Variants in ROBO2 observed in about 807,000 individuals in gnomAD.
ROBO2 encodes roundabout guidance receptor 2.
A neutral mutation model predicts 160.8 loss-of-function variants in ROBO2; 53 were observed. That is an observed-to-expected ratio of 0.33 (90% CI 0.26 to 0.41). ROBO2 has a LOEUF of 0.41. ROBO2 is among the 10% of genes least tolerant of loss of function. The pLI, the probability that ROBO2 is intolerant of heterozygous loss-of-function variation, is 1.00. For synonymous variants in ROBO2, 664 were observed against 611.7 expected (o/e 1.09, Z -1.26); for missense variants, 1,577 against 1,722.4 (o/e 0.92, Z 1.49).
At chr3:77,538,180 T>A (rs1263100597) in intron 6 of ROBO2, among the ~76,000 whole-genome samples, 2 of 43,838 alleles carry the variant, frequency 4.6e-5, no homozygotes, top group Non-Finnish European at 9.2e-5. Context: ...CTTTTTTTTT[T>A]TTTTTTTTTT....
intron 15 of ROBO2, among the ~76,000 whole-genome samples, chr3:77,579,701 T>C (rs965082584): frequency 6.6e-6 from 1 of 152,184 alleles, no homozygotes; most frequent in Non-Finnish European, 1.5e-5. Context: ...AAGATATAAA[T>C]GAACATGGCA....
chr3:76,982,842 G>A (rs1032899154), intron 2 of ROBO2, among the ~76,000 whole-genome samples: 12 of 152,058 alleles, frequency 7.9e-5, no homozygotes, highest in South Asian at 2.1e-4. Context: ...ACCATGCTTC[G>A]TTAGTAGAAT....
intron 6 of ROBO2, 132 bp downstream of exon 6, chr3:77,523,034 C>T (rs1275500970): frequency 2.0e-6 from 2 of 977,884 alleles, no homozygotes; most frequent in East Asian, 5.0e-5. Context: ...TTTGTGTCCT[C>T]TCTATCATTA....
At chr3:76,006,357 C>T (rs1291392617) in intron 2 of ROBO2, among the ~76,000 whole-genome samples, 1 of 152,036 alleles carries the variant, frequency 6.6e-6, no homozygotes, top group African/African-American at 2.4e-5. Flanking sequence ...TGATAGCTGC[C>T]ATCAAGGACA....
At chr3:76,020,760 C>G (rs2066551900) in intron 2 of ROBO2, among the ~76,000 whole-genome samples, 1 of 151,786 alleles carries the variant, frequency 6.6e-6, no homozygotes, top group South Asian at 2.1e-4. Flanking sequence ...CTTCTTGTAG[C>G]TCCAGCTTTC....
At chr3:76,159,440 A>C (rs917476535) in intron 2 of ROBO2, among the ~76,000 whole-genome samples, 1 of 152,354 alleles carries the variant, frequency 6.6e-6, no homozygotes, top group South Asian at 2.1e-4. Context: ...AGAAAACAAT[A>C]AAGAATTAAA....
chr3:76,293,025 G>C (rs1172837269), intron 2 of ROBO2, among the ~76,000 whole-genome samples: 1 of 151,520 alleles, frequency 6.6e-6, no homozygotes, highest in East Asian at 1.9e-4. Flanking sequence ...ATTTTAAGTG[G>C]CATTGTTAGG....
intron 2 of ROBO2, among the ~76,000 whole-genome samples, chr3:76,445,182 G>C (rs944295697): frequency 2.0e-5 from 3 of 152,054 alleles, no homozygotes; most frequent in African/African-American, 7.2e-5. Flanking sequence ...AGTCCAAGTA[G>C]ATTATATAAA....
At chr3:75,942,396 A>G (rs1948098574) in intron 2 of ROBO2, among the ~76,000 whole-genome samples, 1 of 152,140 alleles carries the variant, frequency 6.6e-6, no homozygotes, top group African/African-American at 2.4e-5. Flanking sequence ...GCTAAGTAGT[A>G]GTGAAATTGA....
At chr3:76,626,279 A>G (rs1244666750) in intron 2 of ROBO2, among the ~76,000 whole-genome samples, 2 of 152,166 alleles carry the variant, frequency 1.3e-5, no homozygotes, top group African/African-American at 2.4e-5. Flanking sequence ...CAGAAGTTGT[A>G]TATATAAATC....
chr3:77,613,464 A>T lies in ROBO2; in HGVS notation c.3294-4049A>T, dbSNP rs141186298. On this transcript the variant is annotated intron_variant, in intron 21 of 25. Coordinates refer to ENST00000461745, the Ensembl canonical transcript of ROBO2. The stretch of plus-strand genomic sequence containing the variant: ...GAAAAAAGGACTCTTTTGTAGTAAG[A>T]GTTACAAAGTAAATTTAATTATATC... 2.2e-3 allele frequency among the ~76,000 whole-genome samples: 337 copies of T among 152,302 alleles called. 4 individuals carry two copies. The highest frequency in any genetic ancestry group is 7.8e-3 in the African/African-American group (323 of 41,576).
intron 2 of ROBO2, among the ~76,000 whole-genome samples, chr3:77,187,239 A>G (rs983690866): frequency 1.3e-5 from 2 of 151,990 alleles, no homozygotes; most frequent in African/African-American, 4.8e-5. Flanking sequence ...TAACTTATCT[A>G]TCTAGATTAA....
chr3:76,569,274 C>T (rs986833451), intron 2 of ROBO2, among the ~76,000 whole-genome samples: 2 of 152,038 alleles, frequency 1.3e-5, no homozygotes, highest in African/African-American at 4.8e-5. Context: ...GATGCATATA[C>T]TAGATGTTAT....
At chr3:77,551,247 A>G (rs953475254) in intron 8 of ROBO2, among the ~76,000 whole-genome samples, 4 of 152,038 alleles carry the variant, frequency 2.6e-5, no homozygotes, top group Admixed American at 6.6e-5. Flanking sequence ...AATAAATGTC[A>G]TCACACTCAC....
At chr3:76,761,265 G>A (rs1234721664) in intron 2 of ROBO2, among the ~76,000 whole-genome samples, 2 of 151,664 alleles carry the variant, frequency 1.3e-5, no homozygotes, top group East Asian at 2.0e-4. Flanking sequence ...AAAAAAATAA[G>A]CCTTTCTGAG....
At chr3:76,854,024 CTCTCT>C (rs1559605150) in intron 2 of ROBO2, among the ~76,000 whole-genome samples, 15 of 15,064 alleles carry the variant, frequency 1.0e-3, no homozygotes, top group Admixed American at 3.1e-3. Context: ...GACTTTCTCT[CTCTCT>C]CTCTCTCTCT....
intron 2 of ROBO2, among the ~76,000 whole-genome samples, chr3:76,651,044 G>C (rs2091233161): frequency 6.6e-6 from 1 of 152,112 alleles, no homozygotes; most frequent in African/African-American, 2.4e-5. Context: ...CTTGCAAAGA[G>C]TGAAAAACCC....
chr3:77,578,447 A>T (rs1249618680), intron 15 of ROBO2, among the ~76,000 whole-genome samples: 1 of 152,062 alleles, frequency 6.6e-6, no homozygotes, highest in East Asian at 1.9e-4. Flanking sequence ...ATAATACAAA[A>T]CTAGACACCC....
chr3:77,237,370 TTTC>T (rs1374556925), intron 2 of ROBO2, among the ~76,000 whole-genome samples: 4 of 150,846 alleles, frequency 2.7e-5, no homozygotes, highest in Non-Finnish European at 1.5e-5. Flanking sequence ...TAGCTTTTCT[TTTC>T]TTTTTTTTTC....
Sources: gnomAD v4.1 joint callset for allele counts (sites outside exome capture counted in the v4.1 genomes callset) on GRCh38, gnomAD v4.1.1 for gene constraint, MANE v1.5 for transcripts, NCBI Gene and HGNC (gene_info 2026-07-23, HGNC 2026-07-21) for gene names.